Variants in SPTBN5 observed in about 807,000 individuals in gnomAD.
SPTBN5 encodes spectrin beta, non-erythrocytic 5.
A neutral mutation model predicts 477.6 loss-of-function variants in SPTBN5; 513 were observed. The ratio of observed to expected loss-of-function variants is 1.07; its 90% confidence interval spans 1.00 to 1.16. The LOEUF (loss-of-function observed/expected upper bound fraction) is 1.16. Ranked by LOEUF, SPTBN5 falls within the 50% of genes most tolerant of loss-of-function variation. The pLI is 0.00. For missense variants in SPTBN5, 5,062 were observed against 4,731.8 expected (o/e 1.07, Z -2.05); for synonymous variants, 2,169 against 2,011.7 (o/e 1.08, Z -2.09).
At chr15:41,857,535 G>C in intron 50 of SPTBN5, 38 bp downstream of exon 50, 1 of 1,603,982 alleles carries the variant, frequency 6.2e-7, no homozygotes, top group East Asian at 2.2e-5. Context: ...GAGTGTCCTG[G>C]AGCCCGGCCA....
chr15:41,892,290 C>G (rs1048645204), intron 3 of SPTBN5, among the ~76,000 whole-genome samples: 7 of 152,182 alleles, frequency 4.6e-5, no homozygotes, highest in African/African-American at 1.7e-4. Context: ...CCAATGATCC[C>G]TTTGCCCCAC....
In SPTBN5 at chr15:41,851,066, A is replaced by G. The variant is rs1424003530; in HGVS notation, c.10828T>C (p.Ser3610Pro). ...CCATGTCTCTCCGCTCACCTTAAGG[A>G]GAATGTGTGTTTCCTGCCGTGGCGG... Reference protein sequence around the residue: ...RGRHGRKHTFSLRLTSGAEIL... With the variant: ...RGRHGRKHTFPLRLTSGAEIL... Residue 3610 changes from serine to proline, a missense_variant, in exon 65 of 68, where the codon TCC (serine) becomes CCC (proline). By Grantham distance (74) the Ser-to-Pro change is moderately conservative (BLOSUM62 -1). Transcript: ENST00000320955. The G allele has an allele frequency of 6.2e-7, 1 of 1,612,156 alleles. No individual in the cohort carries two copies. Among genetic ancestry groups the G allele is most frequent in the African/African-American group, 1.3e-5 (1 of 75,044 alleles).
In SPTBN5 at chr15:41,851,764, T is replaced by TCTCC. The variant is rs771642514; in HGVS notation, c.10656+11_10656+14dup. 2 of 1,601,296 alleles carry TCTCC rather than the reference T, an allele frequency of 1.2e-6. No homozygotes were observed. Among genetic ancestry groups the TCTCC allele is most frequent in the Non-Finnish European group, 1.7e-6 (2 of 1,172,446 alleles). Reference sequence around the variant, plus strand: ...AGTGGGGAGCTGCCTGGAGAAGGAATCTCCAGGCACTCACCTGCCTCCCGC... The same window carrying TCTCC: ...AGTGGGGAGCTGCCTGGAGAAGGAATCTCCCTCCAGGCACTCACCTGCCTCCCGC... On this transcript the variant is annotated intron_variant, in intron 63 of 67. Transcript: ENST00000320955.
intron 34 of SPTBN5, 105 bp from the exon 35 acceptor site, chr15:41,867,747 G>C: frequency 9.2e-7 from 1 of 1,086,838 alleles, no homozygotes; most frequent in Non-Finnish European, 1.4e-6. Context: ...GGCCTTAGGA[G>C]TGCCCACTGA....
chr15:41,853,227 C>T (rs375256049), intron 59 of SPTBN5, 31 bp downstream of exon 59: 4 of 1,559,684 alleles, frequency 2.6e-6, no homozygotes, highest in Non-Finnish European at 3.5e-6. Flanking sequence ...TATCCCCAGC[C>T]CAACCCCAGG....
chr15:41,878,702 C>T, intron 16 of SPTBN5, 73 bp from the exon 17 acceptor site: 2 of 1,477,896 alleles, frequency 1.4e-6, no homozygotes, highest in Non-Finnish European at 1.8e-6. Context: ...GTCCTCTCTC[C>T]AAACCTGCAT....
At position 41,874,831 on chromosome 15, in the gene SPTBN5, A is replaced by G. The variant is rs1414809391; in HGVS notation, c.4502+11T>C. The G allele has an allele frequency of 6.3e-7, 1 of 1,597,666 alleles. No individual in the cohort carries two copies. Among genetic ancestry groups the G allele is most frequent in the East Asian group, 2.2e-5 (1 of 44,478 alleles). ...GAGTGACACACAGGTGGGTGGGAGG[A>G]CAGACCCCACCTCCGGAGGTGCTTC... is the stretch of plus-strand genomic sequence containing the variant. On this transcript the variant is annotated intron_variant, in intron 23 of 67. Transcript: ENST00000320955.
chr15:41,886,062 T>TG lies in SPTBN5; in HGVS notation c.1192dup (p.Gln398ProfsTer46). 6.3e-7 allele frequency: 1 copy of TG among 1,592,468 alleles called. No individual in the cohort carries two copies. Among genetic ancestry groups the TG allele is most frequent in the Non-Finnish European group, 8.6e-7 (1 of 1,168,262 alleles). Reference sequence around the variant, plus strand: ...TGCCCACTCCAGCCCTGCCCAGCACTGGGACAGCTCTGCAAGGCCCAGGCC... The same window carrying TG: ...TGCCCACTCCAGCCCTGCCCAGCACTGGGGACAGCTCTGCAAGGCCCAGGCC... On this transcript the variant is annotated frameshift_variant, in exon 7 of 68. Transcript: ENST00000320955. LOFTEE classifies it high-confidence loss of function.
At chr15:41,882,194 G>T (rs2066983210) in intron 11 of SPTBN5, 49 bp from the exon 12 acceptor site, 6 of 1,482,426 alleles carry the variant, frequency 4.0e-6, no homozygotes, top group Non-Finnish European at 5.3e-6. Flanking sequence ...GCGGCTGAGC[G>T]CGGGCAGGTG....
chr15:41,868,252 GA>G, intron 33 of SPTBN5, 34 bp from the exon 34 acceptor site: 1 of 1,576,902 alleles, frequency 6.3e-7, no homozygotes. Context: ...CTCAGCTGGG[GA>G]GGGTGGTGTG....
chr15:41,856,248 G>A, intron 53 of SPTBN5, 138 bp downstream of exon 53: 9 of 785,586 alleles, frequency 1.1e-5, no homozygotes, highest in East Asian at 3.1e-5. Flanking sequence ...ACATGTGGAA[G>A]GAAGCCCTTG....
intron 2 of SPTBN5, 60 bp from the exon 3 acceptor site, chr15:41,893,121 G>C: frequency 1.3e-6 from 2 of 1,587,852 alleles, no homozygotes; most frequent in Non-Finnish European, 1.7e-6. Flanking sequence ...CTCCCATCCT[G>C]GGACCTGAGA....
intron 2 of SPTBN5, 69 bp downstream of exon 2, chr15:41,893,213 C>A: frequency 6.2e-7 from 1 of 1,602,900 alleles, no homozygotes. Context: ...CAGCTCACCC[C>A]GGAGGCCCAC....
chr15:41,858,782 G>T, intron 48 of SPTBN5, 34 bp from the exon 49 acceptor site: 1 of 1,594,752 alleles, frequency 6.3e-7, no homozygotes, highest in Non-Finnish European at 8.6e-7. Context: ...CTGCTGTCCA[G>T]GGCTTTCCCC....
intron 20 of SPTBN5, 88 bp from the exon 21 acceptor site, chr15:41,876,372 G>A: frequency 6.9e-7 from 1 of 1,454,076 alleles, no homozygotes; most frequent in Non-Finnish European, 9.2e-7. Flanking sequence ...TGTGGCCACA[G>A]CCCCTGTTTT....
rs755889710 is a variant in SPTBN5, at chr15:41,856,527, C to T, written c.8880G>A (p.Val2960=). Residue 2960 remains valine, a synonymous_variant, in exon 53 of 68, where the codon GTG becomes GTA. Transcript: ENST00000320955. ...RVVLGTGYKL[V]QAGHFAAHEV... ...CGTGGGCGGCAAAGTGCCCAGCCTGCACCAGCTTGTACCCAGTGCCCAGCA... is the reference window on the plus strand; with the variant it reads ...CGTGGGCGGCAAAGTGCCCAGCCTGTACCAGCTTGTACCCAGTGCCCAGCA... 5 of 1,601,942 alleles carry T rather than the reference C, an allele frequency of 3.1e-6. No homozygotes were observed. Among genetic ancestry groups the T allele is most frequent in the African/African-American group, 1.3e-5 (1 of 74,658 alleles).
rs529497509 is a variant in SPTBN5 at position 41,851,424 on chromosome 15, G to C, written c.10657-55C>G. ...AGCCACACGCAGGAAGCCAGAGCTA[G>C]GGCCTGTCCACGCCTCACCATGTGT... On this transcript the variant is annotated intron_variant, in intron 63 of 67. Coordinates refer to ENST00000320955, the MANE Select transcript of SPTBN5 (RefSeq NM_016642.4). 23 of 1,337,292 alleles carry C rather than the reference G, an allele frequency of 1.7e-5. No homozygotes were observed. The South Asian group carries it at 2.7e-4, about 16-fold the overall frequency. The allele number at this position is 1,337,292 out of a possible 1,614,324, so 82.8% of individuals were successfully genotyped here.
intron 11 of SPTBN5, 33 bp downstream of exon 11, chr15:41,882,236 C>T (rs1411611911): frequency 8.1e-6 from 10 of 1,239,276 alleles, no homozygotes; most frequent in African/African-American, 1.6e-5. Context: ...CGCCGGGCCC[C>T]GCCCCCACCC....
In SPTBN5 at chr15:41,887,959, G is replaced by A; in HGVS notation, c.628C>T (p.Leu210=). The change falls in exon 5 of 68, where the codon CTG becomes TTG. Residue 210 remains leucine, a synonymous_variant. Transcript: ENST00000320955. ...GCATGGATGAGGGCATTGAAGCCCA[G>A]CCCATCGCTCCAGCTTCGGGAGAAA... ...TDFSRSWSDG[L]GFNALIHAHR... 1.2e-6 allele frequency: 2 copies of A among 1,609,614 alleles called. No homozygotes were observed. The highest frequency in any genetic ancestry group is 2.2e-5 in the East Asian group (1 of 44,784).
Sources: gnomAD v4.1 joint callset for allele counts (sites outside exome capture counted in the v4.1 genomes callset) on GRCh38, gnomAD v4.1.1 for gene constraint, MANE v1.5 for transcripts, NCBI Gene and HGNC (gene_info 2026-07-23, HGNC 2026-07-21) for gene names.